KHDRBS3: variants seen among roughly 807,000 people sequenced by gnomAD.
The protein encoded by KHDRBS3 is KH RNA binding domain containing, signal transduction associated 3, also known as KH domain-containing, RNA-binding, signal transduction-associated protein 3.
KHDRBS3 carries 23 observed loss-of-function variants against 45.6 expected under a neutral mutation model. The ratio of observed to expected loss-of-function variants is 0.50; its 90% CI spans 0.36 to 0.72. The LOEUF (loss-of-function observed/expected upper bound fraction) is 0.72. Ranked by LOEUF, KHDRBS3 falls within the 30% of genes least tolerant of loss-of-function variation. KHDRBS3 has a pLI of 0.00. For synonymous variants in KHDRBS3, 162 were observed against 156.5 expected (o/e 1.04, Z -0.26); for missense variants, 352 against 424.8 (o/e 0.83, Z 1.51).
At chr8:135,535,838 G>C (rs1825719526) in intron 2 of KHDRBS3, among the ~76,000 whole-genome samples, 1 of 152,074 alleles carries the variant, frequency 6.6e-6, no homozygotes, top group African/African-American at 2.4e-5. Flanking sequence ...GTGTGGCGAG[G>C]GCATGGTCCC....
chr8:135,510,561 AGTAGCTGGGACTATAGG>A (rs1361837310), intron 1 of KHDRBS3, among the ~76,000 whole-genome samples: 2 of 152,094 alleles, frequency 1.3e-5, no homozygotes, highest in African/African-American at 4.8e-5. Context: ...CAGCCTCCTG[AGTAGCTGGGACTATAGG>A]CACACGCCAC....
intron 5 of KHDRBS3, among the ~76,000 whole-genome samples, chr8:135,570,480 T>A (rs767923804): frequency 6.6e-6 from 1 of 152,238 alleles, no homozygotes; most frequent in Non-Finnish European, 1.5e-5. Context: ...TTTATATTAA[T>A]GTACCAATCA....
chr8:135,603,626 C>T (rs531566410), intron 6 of KHDRBS3, among the ~76,000 whole-genome samples: 8 of 152,226 alleles, frequency 5.3e-5, no homozygotes, highest in African/African-American at 1.9e-4. Flanking sequence ...AAACATATAG[C>T]TCTTTGACAA....
At chr8:135,555,048 A>T (rs1318759104) in intron 4 of KHDRBS3, among the ~76,000 whole-genome samples, 1 of 152,108 alleles carries the variant, frequency 6.6e-6, no homozygotes, top group Non-Finnish European at 1.5e-5. Flanking sequence ...TATTTATTCC[A>T]CTGAAATGGA....
intron 7 of KHDRBS3, chr8:135,625,434 A>G: frequency 1.3e-6 from 1 of 771,986 alleles, no homozygotes; most frequent in South Asian, 1.4e-5. Context: ...TGCGCACACC[A>G]GGGTCTTTCA....
chr8:135,608,046 C>T (rs191214168), intron 7 of KHDRBS3, among the ~76,000 whole-genome samples: 21 of 152,258 alleles, frequency 1.4e-4, no homozygotes, highest in African/African-American at 5.1e-4. Context: ...TGAGGGTAGA[C>T]CTAACACTTA....
At chr8:135,500,890 A>G (rs897713910) in intron 1 of KHDRBS3, among the ~76,000 whole-genome samples, 2 of 152,202 alleles carry the variant, frequency 1.3e-5, no homozygotes, top group Non-Finnish European at 2.9e-5. Flanking sequence ...GGAACCTTAT[A>G]TTAAGTATAT....
chr8:135,558,259 T>A (rs2317280), intron 5 of KHDRBS3, among the ~76,000 whole-genome samples: 1 of 151,994 alleles, frequency 6.6e-6, no homozygotes. Context: ...CTTGGATTGG[T>A]GATTAATGTT....
chr8:135,520,199 G>C (rs143776910), intron 1 of KHDRBS3, among the ~76,000 whole-genome samples: 94 of 152,302 alleles, frequency 6.2e-4, no homozygotes, highest in Middle Eastern at 3.4e-3. Flanking sequence ...CAAGCAAAAT[G>C]GATAAATACG....
At chr8:135,632,523 A>G (rs1830648141) in intron 7 of KHDRBS3, among the ~76,000 whole-genome samples, 1 of 151,884 alleles carries the variant, frequency 6.6e-6, no homozygotes, top group Admixed American at 6.6e-5. Context: ...CCTGACCCCT[A>G]GATTCTCTTT....
rs547413728 is a variant in KHDRBS3, at chr8:135,495,622, T to C, written c.89-25615T>C. ...GTGTCTGTTGGTCCTTTGCAACTTCTTATTTCACTTATCATATTCCACCAT... is the reference window on the plus strand; with the variant it reads ...GTGTCTGTTGGTCCTTTGCAACTTCCTATTTCACTTATCATATTCCACCAT... On this transcript the variant is annotated intron_variant, in intron 1 of 8. Transcript: ENST00000355849. 2.0e-5 allele frequency among the ~76,000 whole-genome samples: 3 copies of C among 152,358 alleles called. No individual in the cohort carries two copies. The East Asian group carries it at 5.8e-4, about 29-fold the overall frequency.
intron 5 of KHDRBS3, among the ~76,000 whole-genome samples, chr8:135,569,122 T>A (rs1827570598): frequency 6.6e-6 from 1 of 152,196 alleles, no homozygotes; most frequent in Non-Finnish European, 1.5e-5. Flanking sequence ...CAATAATGCC[T>A]CAACCGTTTT....
chr8:135,536,413 G>A (rs972876576), intron 2 of KHDRBS3, among the ~76,000 whole-genome samples: 10 of 152,056 alleles, frequency 6.6e-5, no homozygotes, highest in Admixed American at 2.0e-4. Flanking sequence ...CTAGAGAGGT[G>A]AGCCAGAGCT....
Position 135,581,903 on chromosome 8 carries a change from C to A in KHDRBS3, c.637C>A (p.Pro213Thr), listed in dbSNP as rs868022944. The A allele has an allele frequency of 6.2e-7, 1 of 1,603,150 alleles. No homozygotes were observed. The highest frequency in any genetic ancestry group is 8.5e-7 in the Non-Finnish European group (1 of 1,172,838). The change falls in exon 6 of 9, where the codon CCA (proline) becomes ACA (threonine). Residue 213 changes from proline (P) to threonine (T), a missense_variant. Around this residue, in one of 6 missense-constraint regions of KHDRBS3, gnomAD observed 212 missense variants for 209.6 expected, o/e 1.01. Coordinates refer to ENST00000355849, the MANE Select transcript of KHDRBS3 (RefSeq NM_006558.3). ...GGGAAGGGGAGGAGTTACAGCCCGG[C>A]CAGTTGGAGTTGTAGTACCACGAGG... ...TRGRGGVTAR[P>T]VGVVVPRGTP...
At chr8:135,625,814 G>T in intron 7 of KHDRBS3, 1 of 768,904 alleles carries the variant, frequency 1.3e-6, no homozygotes, top group South Asian at 1.4e-5. Context: ...TCTTCAAGGC[G>T]GTGGAGCCAG....
At chr8:135,613,880 A>C (rs1040503937) in intron 7 of KHDRBS3, among the ~76,000 whole-genome samples, 26 of 151,610 alleles carry the variant, frequency 1.7e-4, no homozygotes, top group African/African-American at 6.3e-4. Flanking sequence ...TAAACTCCTG[A>C]GGTCCTCATT....
chr8:135,515,725 A>C (rs1824560126), intron 1 of KHDRBS3, among the ~76,000 whole-genome samples: 1 of 152,192 alleles, frequency 6.6e-6, no homozygotes, highest in Non-Finnish European at 1.5e-5. Flanking sequence ...TAGCCCCATC[A>C]GGCTACCATA....
At chr8:135,461,795 G>A (rs1436326911) in intron 1 of KHDRBS3, among the ~76,000 whole-genome samples, 1 of 152,214 alleles carries the variant, frequency 6.6e-6, no homozygotes, top group African/African-American at 2.4e-5. Flanking sequence ...GTTACATTTA[G>A]TTGTCGTTGA....
At chr8:135,634,255 T>G (rs1830720466) in intron 7 of KHDRBS3, among the ~76,000 whole-genome samples, 1 of 152,236 alleles carries the variant, frequency 6.6e-6, no homozygotes, top group African/African-American at 2.4e-5. Context: ...TGAAATTATT[T>G]TTTAAGTTTG....
Sources: gnomAD v4.1 joint callset for allele counts (sites outside exome capture counted in the v4.1 genomes callset) on GRCh38, gnomAD v4.1.1 for gene constraint, gnomAD v4.1.1 regional missense constraint, MANE v1.5 for transcripts, NCBI Gene and HGNC (gene_info 2026-07-23, HGNC 2026-07-21) for gene names.